Variants in SLC1A2 observed in about 807,000 individuals in gnomAD.
The protein encoded by SLC1A2 is solute carrier family 1 member 2, also known as excitatory amino acid transporter 2.
A neutral mutation model predicts 48.8 loss-of-function variants in SLC1A2; 15 were observed. That is an observed-to-expected ratio of 0.31 (90% CI 0.21 to 0.47). The LOEUF is 0.47. Among genes scored for constraint, SLC1A2 ranks in the 20% least tolerant of loss-of-function variants. The probability of loss-of-function intolerance (pLI) is 0.99; values close to 1 mark genes in which losing one functional copy is unlikely to be tolerated. For missense variants in SLC1A2, 502 were observed against 730.5 expected, an observed-to-expected ratio of 0.69 and a Z score of 3.61; for synonymous variants, 279 against 272.6, an observed-to-expected ratio of 1.02 and a Z score of -0.23.
At chr11:35,379,456 C>T (rs1195980502) in intron 1 of SLC1A2, among the ~76,000 whole-genome samples, 1 of 152,186 alleles carries the variant, frequency 6.6e-6, no homozygotes, top group African/African-American at 2.4e-5. Context: ...GGTAAGCAAA[C>T]TCCCACCCAC....
chr11:35,346,911 C>T (rs1490715467), intron 1 of SLC1A2, among the ~76,000 whole-genome samples: 1 of 152,158 alleles, frequency 6.6e-6, no homozygotes, highest in Non-Finnish European at 1.5e-5. Context: ...GTGCTCACAG[C>T]AGTAGTTCTG....
intron 1 of SLC1A2, chr11:35,380,401 G>A (rs774644176): frequency 2.5e-6 from 1 of 398,596 alleles, no homozygotes; most frequent in Admixed American, 4.4e-5. Context: ...TGTGGTCCTT[G>A]GGCCTCTTCA....
rs1447418291 is a variant in SLC1A2 at position 35,253,518 on chromosome 11, AT to A, written c.*7375del. On this transcript the variant is annotated 3_prime_UTR_variant, in exon 11 of 11. Transcript: ENST00000278379. ...AGTCTTAGAGAAAAGCAAAATGAGA[AT>A]GCTCAGCTGGAAAAACAAGGCCTGG... 6.6e-6 allele frequency: 1 copy of A among 152,644 alleles called. No homozygotes were observed. Among genetic ancestry groups the A allele is most frequent in the African/African-American group, 2.4e-5 (1 of 41,468 alleles). 9.5% of individuals were successfully genotyped at this position (152,644 alleles called of 1,614,324 possible). A position where few individuals can be genotyped will look rare whatever the true frequency, so the allele number is the denominator to read the frequency against.
chr11:35,339,686 G>A (rs1490952260), intron 1 of SLC1A2, among the ~76,000 whole-genome samples: 1 of 152,204 alleles, frequency 6.6e-6, no homozygotes, highest in Non-Finnish European at 1.5e-5. Flanking sequence ...CAGATGGATG[G>A]ATGGAGGGAT....
chr11:35,377,598 G>A (rs940824354), intron 1 of SLC1A2, among the ~76,000 whole-genome samples: 15 of 152,170 alleles, frequency 9.9e-5, no homozygotes, highest in African/African-American at 3.4e-4. Context: ...CCTGATGGCC[G>A]AGGTCTGTGC....
chr11:35,395,174 G>A (rs1225596608), intron 1 of SLC1A2, among the ~76,000 whole-genome samples: 1 of 152,062 alleles, frequency 6.6e-6, no homozygotes, highest in Non-Finnish European at 1.5e-5. Context: ...ACTGAAAGAG[G>A]AGCACTTACT....
At chr11:35,389,630 C>CT (rs1268806857) in intron 1 of SLC1A2, among the ~76,000 whole-genome samples, 1 of 152,046 alleles carries the variant, frequency 6.6e-6, no homozygotes, top group African/African-American at 2.4e-5. Context: ...GCCACTATGT[C>CT]TGGCTAATTT....
At chr11:35,267,478 T>C (rs554759185) in intron 9 of SLC1A2, among the ~76,000 whole-genome samples, 20 of 152,346 alleles carry the variant, frequency 1.3e-4, no homozygotes, top group African/African-American at 4.8e-4. Flanking sequence ...TTTAATATTA[T>C]TATAAATTGT....
At chr11:35,400,747 C>A (rs544827703) in intron 1 of SLC1A2, among the ~76,000 whole-genome samples, 5 of 152,106 alleles carry the variant, frequency 3.3e-5, no homozygotes, top group Non-Finnish European at 7.4e-5. Flanking sequence ...AAATAGAAGT[C>A]TTTTAGTGTT....
intron 8 of SLC1A2, among the ~76,000 whole-genome samples, chr11:35,282,939 C>A (rs955001294): frequency 2.6e-5 from 4 of 152,082 alleles, no homozygotes; most frequent in Non-Finnish European, 5.9e-5. Flanking sequence ...TTCCCTGCAT[C>A]CCTCATTGCC....
chr11:35,376,885 G>A (rs1237757613), intron 1 of SLC1A2, among the ~76,000 whole-genome samples: 1 of 152,066 alleles, frequency 6.6e-6, no homozygotes, highest in East Asian at 1.9e-4. Flanking sequence ...CTCAACCCCT[G>A]CACATTGATG....
intron 1 of SLC1A2, among the ~76,000 whole-genome samples, chr11:35,402,847 C>CA (rs1855175748): frequency 6.6e-6 from 1 of 152,208 alleles, no homozygotes; most frequent in Non-Finnish European, 1.5e-5. Flanking sequence ...GGATTAAAAG[C>CA]ACATAAGAGA....
chr11:35,406,416 G>A (rs1855297289), intron 1 of SLC1A2, among the ~76,000 whole-genome samples: 1 of 152,170 alleles, frequency 6.6e-6, no homozygotes, highest in African/African-American at 2.4e-5. Flanking sequence ...CTAGGAAAGA[G>A]AGACCTATTT....
intron 6 of SLC1A2, chr11:35,298,367 T>C (rs1035372249): frequency 6.6e-6 from 1 of 152,164 alleles, no homozygotes; most frequent in South Asian, 2.1e-4. Flanking sequence ...ATCTTTTCAA[T>C]GTTACATTCT....
chr11:35,300,932 T>A (rs1244055286), intron 6 of SLC1A2, among the ~76,000 whole-genome samples: 2 of 152,032 alleles, frequency 1.3e-5, no homozygotes, highest in Non-Finnish European at 2.9e-5. Context: ...GGTGGGAGGA[T>A]CACTTGAGCT....
At position 35,312,316 on chromosome 11, in the gene SLC1A2, T is replaced by A. The variant is rs780035244; in HGVS notation, c.443A>T (p.Lys148Met). ...CCCAGGCCCCAGCTGCTTCTTGAGC[T>A]TGGGATTGCCTGGATGGATAGCCAA... ...LVLAIHPGNP[K>M]LKKQLGPGKK... The change falls in exon 4 of 11, where the codon AAG (lysine) becomes ATG (methionine). Residue 148 changes from lysine to methionine, a missense_variant. Physicochemically the swap from Lys to Met is moderately conservative, Grantham distance 95. This residue lies in a region of SLC1A2 where 309 missense variants were observed against 480.3 expected (regional missense o/e 0.64). Coordinates refer to ENST00000278379, the MANE Select transcript of SLC1A2 (RefSeq NM_004171.4). 3 of 1,614,134 alleles carry A rather than the reference T, an allele frequency of 1.9e-6. No homozygotes were observed. The highest frequency in any genetic ancestry group is 2.5e-6 in the Non-Finnish European group (3 of 1,180,000).
intron 1 of SLC1A2, among the ~76,000 whole-genome samples, chr11:35,409,984 T>C (rs1855411420): frequency 6.6e-6 from 1 of 152,014 alleles, no homozygotes; most frequent in African/African-American, 2.4e-5. Context: ...AGCCTGCCCA[T>C]CAGAATCCAC....
chr11:35,389,139 GA>G (rs142796044), intron 1 of SLC1A2, among the ~76,000 whole-genome samples: 22,949 of 151,542 alleles, frequency 0.15, 1,813 homozygotes, highest in Middle Eastern at 0.21. Flanking sequence ...AAAACTGAGG[GA>G]AAAAAAATAT....
In SLC1A2 at chr11:35,292,428, A is replaced by G. The variant is rs1851039192; in HGVS notation, c.950T>C (p.Met317Thr). Residue 317 changes from methionine to threonine, a missense_variant, in exon 7 of 11, where the codon ATG (methionine) becomes ACG (threonine). Physicochemically the swap from Met to Thr is moderately conservative, Grantham distance 81. Coordinates refer to ENST00000278379, the MANE Select transcript of SLC1A2 (RefSeq NM_004171.4). ...GATGAGGCCTATGATCACTGTTACC[A>G]TGTACATCCCCAGTTGCCTAGCAAC... ...EVVARQLGMY[M>T]VTVIIGLIIH... is the part of the protein sequence containing the mutation. The G allele has an allele frequency of 3.1e-6, 5 of 1,613,880 alleles. No homozygotes were observed. Among genetic ancestry groups the G allele is most frequent in the Non-Finnish European group, 4.2e-6 (5 of 1,179,816 alleles).
Sources: gnomAD v4.1 joint callset for allele counts (sites outside exome capture counted in the v4.1 genomes callset) on GRCh38, gnomAD v4.1.1 for gene constraint, gnomAD v4.1.1 regional missense constraint, MANE v1.5 for transcripts, NCBI Gene and HGNC (gene_info 2026-07-23, HGNC 2026-07-21) for gene names.